The following C8A variants were observed in gnomAD, a reference collection of about 807,000 sequenced individuals.
The protein encoded by C8A is complement component C8 alpha chain.
C8A carries 67 observed loss-of-function variants against 65.3 expected under a neutral mutation model. The observed-to-expected ratio is 1.03, with a 90% CI of 0.84 to 1.26. C8A has a LOEUF of 1.26. Ranked by LOEUF, C8A falls within the 50% of genes most tolerant of loss-of-function variation. The pLI, the probability that C8A is intolerant of heterozygous loss-of-function variation, is 0.00. For missense variants in C8A, 781 were observed against 723.9 expected (o/e 1.08, Z -0.90); for synonymous variants, 290 against 259.4 (o/e 1.12, Z -1.13).
chr1:56,916,941 C>T (rs1405268322), intron 10 of C8A, among the ~76,000 whole-genome samples: 1 of 152,206 alleles, frequency 6.6e-6, no homozygotes, highest in Non-Finnish European at 1.5e-5. Context: ...TGCAGATCCT[C>T]ATACAAAAGC....
intron 5 of C8A, among the ~76,000 whole-genome samples, chr1:56,883,180 C>T (rs971158154): frequency 6.6e-6 from 1 of 152,032 alleles, no homozygotes; most frequent in Admixed American, 6.6e-5. Flanking sequence ...AGAAAGAAAT[C>T]CACGCTCAGA....
chr1:56,906,105 G>C (rs1236745588), intron 7 of C8A, among the ~76,000 whole-genome samples: 2 of 152,172 alleles, frequency 1.3e-5, no homozygotes, highest in African/African-American at 2.4e-5. Flanking sequence ...GGGGCGCAAA[G>C]AGGATCTGGA....
intron 2 of C8A, among the ~76,000 whole-genome samples, chr1:56,869,789 C>T (rs1422365458): frequency 1.3e-5 from 2 of 152,158 alleles, no homozygotes; most frequent in Non-Finnish European, 2.9e-5. Context: ...GTGCTTTCCT[C>T]TTCATTCTCA....
intron 7 of C8A, among the ~76,000 whole-genome samples, chr1:56,902,720 A>C (rs1156782850): frequency 6.6e-6 from 1 of 152,154 alleles, no homozygotes; most frequent in Non-Finnish European, 1.5e-5. Context: ...TCATATATCT[A>C]ATATAAGTGG....
rs147365615 is a variant in C8A at position 56,884,700 on chromosome 1, G to T, written c.855+1019G>T. Reference sequence around the variant, plus strand: ...AAGGCTTCTATTGCCTGAAAGTAAAGCCCATAGATGGCCATCTTCCTGTAA... The same window carrying T: ...AAGGCTTCTATTGCCTGAAAGTAAATCCCATAGATGGCCATCTTCCTGTAA... On this transcript the variant is annotated intron_variant, in intron 6 of 10. Coordinates refer to ENST00000361249, the MANE Select transcript of C8A (RefSeq NM_000562.3). 3.0e-3 allele frequency among the ~76,000 whole-genome samples: 463 copies of T among 152,228 alleles called. 1 individual carries two copies. Among genetic ancestry groups the T allele is most frequent in the Middle Eastern group, 6.8e-3 (2 of 294 alleles).
At chr1:56,890,822 C>A (rs187684702) in intron 7 of C8A, among the ~76,000 whole-genome samples, 1 of 152,172 alleles carries the variant, frequency 6.6e-6, no homozygotes, top group Non-Finnish European at 1.5e-5. Flanking sequence ...TCAGAGAGAC[C>A]TTTCCTGACC....
In C8A at chr1:56,886,159, A is replaced by G; in HGVS notation, c.1088A>G (p.Glu363Gly). The change falls in exon 7 of 11, where the codon GAA becomes GGA. Residue 363 changes from glutamate (E) to glycine (G), a missense_variant. Transcript: ENST00000361249. ...YILVIDKAKM[E>G]SLGITSRDIT... ...CTGGTGATTGACAAAGCAAAAATGGAATCCCTTGGTAAGTAAAGCAGAAGC... is the reference window on the plus strand; with the variant it reads ...CTGGTGATTGACAAAGCAAAAATGGGATCCCTTGGTAAGTAAAGCAGAAGC... 6.2e-7 allele frequency: 1 copy of G among 1,613,934 alleles called. No homozygotes were observed. Among genetic ancestry groups the G allele is most frequent in the Non-Finnish European group, 8.5e-7 (1 of 1,179,922 alleles).
At chr1:56,912,753 T>A in intron 10 of C8A, 128 bp downstream of exon 10, 1 of 779,418 alleles carries the variant, frequency 1.3e-6, no homozygotes, top group Non-Finnish European at 2.2e-6. Context: ...GAGCCACCCT[T>A]GAGAGTTCTG....
intron 1 of C8A, among the ~76,000 whole-genome samples, chr1:56,865,795 G>A (rs1644080121): frequency 6.6e-6 from 1 of 152,132 alleles, no homozygotes; most frequent in South Asian, 2.1e-4. Context: ...CCACTACCAT[G>A]AACTTGACGA....
chr1:56,875,174 T>A (rs1644186459), intron 3 of C8A, 81 bp downstream of exon 3: 11 of 1,484,688 alleles, frequency 7.4e-6, no homozygotes, highest in Non-Finnish European at 1.0e-5. Context: ...CTTATTAAAA[T>A]GCATACTCCT....
chr1:56,858,656 T>C (rs1044248166), intron 1 of C8A, among the ~76,000 whole-genome samples: 9 of 152,238 alleles, frequency 5.9e-5, no homozygotes, highest in Non-Finnish European at 1.0e-4. Context: ...ATATTTTTAA[T>C]AGTAGTCCAG....
At chr1:56,915,790 C>T (rs1005580807) in intron 10 of C8A, among the ~76,000 whole-genome samples, 1 of 152,166 alleles carries the variant, frequency 6.6e-6, no homozygotes, top group Non-Finnish European at 1.5e-5. Context: ...GGGACCCAAT[C>T]TCTTAAACAT....
chr1:56,886,857 G>C (rs1644304373), intron 7 of C8A, among the ~76,000 whole-genome samples: 1 of 152,084 alleles, frequency 6.6e-6, no homozygotes, highest in Non-Finnish European at 1.5e-5. Context: ...TCCAACCTAG[G>C]AGAACGGTGG....
intron 1 of C8A, among the ~76,000 whole-genome samples, chr1:56,858,181 C>T (rs1423537843): frequency 6.6e-6 from 1 of 152,060 alleles, no homozygotes; most frequent in Non-Finnish European, 1.5e-5. Context: ...TTCTTGTATG[C>T]TGATTCCATT....
At chr1:56,873,620 G>T (rs1287549062) in intron 2 of C8A, among the ~76,000 whole-genome samples, 1 of 152,184 alleles carries the variant, frequency 6.6e-6, no homozygotes, top group Non-Finnish European at 1.5e-5. Context: ...CACACAGCAA[G>T]TAAGAAATTG....
intron 1 of C8A, among the ~76,000 whole-genome samples, chr1:56,859,474 G>A (rs1644009332): frequency 1.3e-5 from 2 of 152,218 alleles, no homozygotes; most frequent in African/African-American, 4.8e-5. Context: ...ATGAACTGAA[G>A]TGGAAAGGTT....
At chr1:56,884,216 G>C (rs1484190061) in intron 6 of C8A, among the ~76,000 whole-genome samples, 1 of 152,054 alleles carries the variant, frequency 6.6e-6, no homozygotes, top group Admixed American at 6.6e-5. Flanking sequence ...CAGACAAAGG[G>C]AGACAAAAGT....
Position 56,886,092 on chromosome 1 carries a change from TA to T in C8A, c.1022del (p.Tyr341SerfsTer16). ...AKFINDYGTH[Y>X]ITSGSMGGIY... ...GTTCATCAATGACTATGGCACCCAT[TA>T]CATCACATCTGGATCCATGGGTGGC... On this transcript the variant is annotated frameshift_variant, in exon 7 of 11. Coordinates refer to ENST00000361249, the MANE Select transcript of C8A (RefSeq NM_000562.3). LOFTEE classifies it high-confidence loss of function. 6.2e-7 allele frequency: 1 copy of T among 1,613,998 alleles called. No homozygotes were observed. The highest frequency in any genetic ancestry group is 8.5e-7 in the Non-Finnish European group (1 of 1,179,900).
intron 4 of C8A, among the ~76,000 whole-genome samples, chr1:56,880,414 G>C (rs1644238319): frequency 6.6e-6 from 1 of 152,014 alleles, no homozygotes; most frequent in Admixed American, 6.6e-5. Context: ...CATACTCTCA[G>C]CATCACAAAA....
Sources: allele counts gnomAD v4.1 joint callset (sites outside exome capture counted in the v4.1 genomes callset), GRCh38; gene constraint gnomAD v4.1.1; transcripts MANE v1.5; gene names NCBI Gene and HGNC (gene_info 2026-07-23, HGNC 2026-07-21).